SYN3: variants seen among roughly 807,000 people sequenced by gnomAD.
The protein encoded by SYN3 is synapsin III, also known as synapsin-3.
A neutral mutation model predicts 65.8 loss-of-function variants in SYN3; 35 were observed. The observed-to-expected ratio is 0.53, with a 90% confidence interval of 0.41 to 0.70. The LOEUF (loss-of-function observed/expected upper bound fraction) is 0.70, where lower values mean the gene tolerates loss of function less well. Among genes scored for constraint, SYN3 ranks in the 30% least tolerant of loss-of-function variants. SYN3 has a pLI of 0.00. For synonymous variants in SYN3, 270 were observed against 292.9 expected (o/e 0.92, Z 0.80); for missense variants, 680 against 749.0 (o/e 0.91, Z 1.08).
At chr22:33,038,474 T>A (rs1272611274) in intron 1 of SYN3, among the ~76,000 whole-genome samples, 1 of 152,180 alleles carries the variant, frequency 6.6e-6, no homozygotes, top group Non-Finnish European at 1.5e-5. Context: ...TAACCTCCAC[T>A]GTGAGCTCCG....
At chr22:32,869,341 T>TCC (rs1255734646) in intron 4 of SYN3, among the ~76,000 whole-genome samples, 809 of 77,144 alleles carry the variant, frequency 0.01, 10 homozygotes, top group African/African-American at 0.04. Flanking sequence ...TCTCTCTCTC[T>TCC]CTCTCTCTCT....
intron 6 of SYN3, among the ~76,000 whole-genome samples, chr22:32,788,662 T>C (rs2046251762): frequency 6.8e-6 from 1 of 146,120 alleles, no homozygotes; most frequent in African/African-American, 2.5e-5. Flanking sequence ...AGGATATGTT[T>C]AGATTATGTG....
At chr22:33,026,458 G>C (rs1397306965) in intron 1 of SYN3, among the ~76,000 whole-genome samples, 1 of 152,162 alleles carries the variant, frequency 6.6e-6, no homozygotes, top group East Asian at 1.9e-4. Flanking sequence ...CTCAGAGCTT[G>C]ATGTCCAATG....
chr22:32,989,030 T>C (rs1313739681), intron 2 of SYN3, among the ~76,000 whole-genome samples: 1 of 152,062 alleles, frequency 6.6e-6, no homozygotes, highest in East Asian at 1.9e-4. Context: ...AAGACACAGA[T>C]TTAAGGGCCT....
At chr22:32,691,510 A>G (rs930224482) in intron 6 of SYN3, among the ~76,000 whole-genome samples, 6 of 152,152 alleles carry the variant, frequency 3.9e-5, no homozygotes, top group Admixed American at 6.5e-5. Flanking sequence ...AGAGAAATAG[A>G]TGTTTGCCTT....
chr22:32,781,362 T>TAG (rs1411053405), intron 6 of SYN3, among the ~76,000 whole-genome samples: 1 of 152,062 alleles, frequency 6.6e-6, no homozygotes, highest in African/African-American at 2.4e-5. Context: ...AGAGCCTGAA[T>TAG]AGATGATGGT....
chr22:33,002,629 G>T (rs1345374958), intron 2 of SYN3, among the ~76,000 whole-genome samples: 1 of 151,980 alleles, frequency 6.6e-6, no homozygotes, highest in Non-Finnish European at 1.5e-5. Flanking sequence ...GGGCAAGAGA[G>T]CAAGACTCCA....
At chr22:32,649,731 C>T (rs1338865969) in intron 6 of SYN3, among the ~76,000 whole-genome samples, 1 of 152,166 alleles carries the variant, frequency 6.6e-6, no homozygotes, top group Non-Finnish European at 1.5e-5. Flanking sequence ...ATGACTCAGG[C>T]AGGGGGTGGC....
In SYN3 at chr22:32,658,367, G is replaced by A. The variant is rs2060171465; in HGVS notation, c.712-61631C>T. ...TCGGGTGGATGGGTGAGAGAAGCAA[G>A]TGTGGCCCAGCAGGCTGCAGAGTGA... On this transcript the variant is annotated intron_variant, in intron 6 of 13. Coordinates refer to ENST00000358763, the MANE Select transcript of SYN3 (RefSeq NM_003490.4). Among the ~76,000 whole-genome samples, 4 of 152,250 alleles carry A rather than the reference G, an allele frequency of 2.6e-5. No individual in the cohort carries two copies. The South Asian group carries it at 8.3e-4, about 32-fold the overall frequency.
chr22:33,027,575 C>A (rs190554397), intron 1 of SYN3, among the ~76,000 whole-genome samples: 1 of 148,482 alleles, frequency 6.7e-6, no homozygotes, highest in African/African-American at 2.5e-5. Flanking sequence ...CCAGCCTGGG[C>A]GACAGAGTGA....
chr22:32,938,601 GAAT>G (rs1213874700), intron 3 of SYN3, among the ~76,000 whole-genome samples: 1 of 151,724 alleles, frequency 6.6e-6, no homozygotes, highest in Non-Finnish European at 1.5e-5. Context: ...TGTCGGTATG[GAAT>G]ATTATACCCA....
chr22:32,866,758 G>C (rs1053917475), intron 5 of SYN3, among the ~76,000 whole-genome samples: 2 of 152,164 alleles, frequency 1.3e-5, no homozygotes, highest in African/African-American at 4.8e-5. Flanking sequence ...AAAAAGCCCA[G>C]TTAGGGCAGA....
rs2047555718 is a variant in SYN3 at position 32,830,951 on chromosome 22, G to GT, written c.711+33963dup. 2.0e-5 allele frequency among the ~76,000 whole-genome samples: 3 copies of GT among 152,186 alleles called. No homozygotes were observed. In the South Asian group the frequency reaches 6.2e-4, roughly 31 times the overall value. On this transcript the variant is annotated intron_variant, in intron 6 of 13. Transcript: ENST00000358763. ...TTTTGTTTAGCTTTTAAAAAAATGT[G>GT]TGTTTTTTTTTCCCCAACCAGGGGC...
chr22:32,559,685 G>A (rs915139551), intron 7 of SYN3, among the ~76,000 whole-genome samples: 14 of 152,068 alleles, frequency 9.2e-5, no homozygotes, highest in East Asian at 1.9e-4. Context: ...AAAATTAGCC[G>A]GGCGTGGCGG....
At chr22:32,972,641 C>G (rs913944316) in intron 3 of SYN3, among the ~76,000 whole-genome samples, 1 of 152,158 alleles carries the variant, frequency 6.6e-6, no homozygotes, top group Non-Finnish European at 1.5e-5. Flanking sequence ...GTTACAGAAG[C>G]TTCACCAACA....
chr22:32,806,493 T>C (rs2046740602), intron 6 of SYN3, among the ~76,000 whole-genome samples: 1 of 152,166 alleles, frequency 6.6e-6, no homozygotes, highest in Admixed American at 6.5e-5. Context: ...CCTTTTGTCA[T>C]AGTCTACTCC....
At chr22:32,828,812 G>A (rs1054806676) in intron 6 of SYN3, among the ~76,000 whole-genome samples, 1 of 152,204 alleles carries the variant, frequency 6.6e-6, no homozygotes, top group Non-Finnish European at 1.5e-5. Context: ...ATTCAGTGCT[G>A]GAGCCAGCGG....
At chr22:32,658,640 C>A (rs1462207844) in intron 6 of SYN3, among the ~76,000 whole-genome samples, 1 of 152,154 alleles carries the variant, frequency 6.6e-6, no homozygotes, top group Admixed American at 6.5e-5. Flanking sequence ...TGCTATTACA[C>A]CCCCATTTGA....
At chr22:32,676,318 A>G (rs986007584) in intron 6 of SYN3, among the ~76,000 whole-genome samples, 2 of 152,160 alleles carry the variant, frequency 1.3e-5, no homozygotes, top group African/African-American at 4.8e-5. Context: ...GGAGCTGGGC[A>G]GAGGCAACAG....
Sources: allele counts gnomAD v4.1 joint callset (sites outside exome capture counted in the v4.1 genomes callset), GRCh38; gene constraint gnomAD v4.1.1; transcripts MANE v1.5; gene names NCBI Gene and HGNC (gene_info 2026-07-23, HGNC 2026-07-21).